The following CSMD1 variants were observed in gnomAD, a reference collection of about 807,000 sequenced individuals.
CSMD1 encodes the protein CUB and Sushi multiple domains 1.
A neutral mutation model predicts 417.5 loss-of-function variants in CSMD1; 213 were observed. That is an observed-to-expected ratio of 0.51 (90% CI 0.46 to 0.57). CSMD1 has a LOEUF of 0.57. Ranked by LOEUF, CSMD1 falls within the 20% of genes least tolerant of loss-of-function variation. The pLI is 0.00. For synonymous variants in CSMD1, 2,862 were observed against 1,736.8 expected (o/e 1.65, Z -16.11); for missense variants, 6,923 against 4,529.7 (o/e 1.53, Z -15.17).
At chr8:3,535,470 C>T (rs573031039) in intron 10 of CSMD1, among the ~76,000 whole-genome samples, 13 of 152,238 alleles carry the variant, frequency 8.5e-5, no homozygotes, top group Non-Finnish European at 1.5e-4. Flanking sequence ...TCCATGTTCT[C>T]ACTTATAAGT....
At chr8:4,928,523 T>G (rs1384503977) in intron 1 of CSMD1, among the ~76,000 whole-genome samples, 1 of 152,166 alleles carries the variant, frequency 6.6e-6, no homozygotes, top group Admixed American at 6.5e-5. Context: ...CTCCTGAACT[T>G]CAGCTTCTTC....
chr8:2,936,050 G>C lies in CSMD1; in HGVS notation c.*2535C>G, dbSNP rs917322799. On this transcript the variant is annotated 3_prime_UTR_variant, in exon 70 of 70. Coordinates refer to ENST00000635120, the MANE Select transcript of CSMD1 (RefSeq NM_033225.6). The stretch of plus-strand genomic sequence containing the variant: ...AAAATGAGATCCTCCAACACCTTGC[G>C]GAGACGCCGTTCAACACTGCACACA... The C allele has an allele frequency of 1.3e-5, 2 of 152,096 alleles. No homozygotes were observed. Among genetic ancestry groups the C allele is most frequent in the Non-Finnish European group, 2.9e-5 (2 of 68,026 alleles). The allele number at this position is 152,096 out of a possible 1,614,324, so 9.4% of individuals were successfully genotyped here.
chr8:4,416,326 C>G (rs995936817), intron 3 of CSMD1, among the ~76,000 whole-genome samples: 1 of 151,966 alleles, frequency 6.6e-6, no homozygotes, highest in African/African-American at 2.4e-5. Flanking sequence ...ATAAAATGAA[C>G]TAAAAAGTCA....
At chr8:3,384,978 A>G (rs1490257295) in intron 18 of CSMD1, among the ~76,000 whole-genome samples, 5 of 119,850 alleles carry the variant, frequency 4.2e-5, no homozygotes, top group African/African-American at 1.7e-4. Flanking sequence ...ATGCATATAT[A>G]GCATATATAA....
At chr8:4,318,989 T>G (rs1173887025) in intron 3 of CSMD1, among the ~76,000 whole-genome samples, 3 of 152,188 alleles carry the variant, frequency 2.0e-5, no homozygotes, top group Non-Finnish European at 4.4e-5. Flanking sequence ...ATCTTCATAT[T>G]AAACAGCTTG....
chr8:3,115,756 T>A (rs937820117), intron 42 of CSMD1, among the ~76,000 whole-genome samples: 4 of 152,234 alleles, frequency 2.6e-5, no homozygotes, highest in African/African-American at 9.6e-5. Flanking sequence ...CATATATACT[T>A]GTGAAGACTG....
At chr8:4,205,396 T>C (rs891710416) in intron 3 of CSMD1, among the ~76,000 whole-genome samples, 4 of 152,262 alleles carry the variant, frequency 2.6e-5, no homozygotes, top group East Asian at 1.9e-4. Flanking sequence ...AGCCTTGGCA[T>C]GTGCCTCATC....
chr8:3,614,349 G>A (rs555590893), intron 8 of CSMD1, among the ~76,000 whole-genome samples: 21 of 150,642 alleles, frequency 1.4e-4, no homozygotes, highest in African/African-American at 3.9e-4. Flanking sequence ...TCCCTACACC[G>A]CCCCCCGAGC....
chr8:4,354,341 G>T (rs1359141118), intron 3 of CSMD1, among the ~76,000 whole-genome samples: 2 of 152,038 alleles, frequency 1.3e-5, no homozygotes, highest in East Asian at 3.9e-4. Flanking sequence ...CTCTTTTGAG[G>T]TTGGGAAACC....
At chr8:4,932,475 C>A (rs934004659) in intron 1 of CSMD1, among the ~76,000 whole-genome samples, 2 of 152,232 alleles carry the variant, frequency 1.3e-5, no homozygotes, top group East Asian at 1.9e-4. Flanking sequence ...TAATATACTA[C>A]CTCATTAAGG....
chr8:2,962,466 C>T lies in CSMD1; in HGVS notation c.9628G>A (p.Asp3210Asn). Residue 3210 changes from aspartate to asparagine, a missense_variant and splice_region_variant, in exon 61 of 70, where the codon GAT becomes AAT. By Grantham distance (23) the Asp-to-Asn change is conservative. Transcript: ENST00000635120. ...TWSGIQPTCI[D>N]PAHNTCPDPG... ...CCCAGAGCTGTATGATAATTATTACCAATGCAGGTGGGTTGTATGCCGCTC... is the reference window on the plus strand; with the variant it reads ...CCCAGAGCTGTATGATAATTATTACTAATGCAGGTGGGTTGTATGCCGCTC... 5 of 1,611,906 alleles carry T rather than the reference C, an allele frequency of 3.1e-6. No individual in the cohort carries two copies. Among genetic ancestry groups the T allele is most frequent in the Non-Finnish European group, 4.2e-6 (5 of 1,178,442 alleles).
At chr8:4,430,570 A>C (rs890394883) in intron 2 of CSMD1, among the ~76,000 whole-genome samples, 1 of 152,118 alleles carries the variant, frequency 6.6e-6, no homozygotes, top group Non-Finnish European at 1.5e-5. Flanking sequence ...CTGGGGAAGA[A>C]AATAAATTTT....
chr8:3,708,811 T>C (rs539904024), intron 6 of CSMD1, among the ~76,000 whole-genome samples: 15 of 152,320 alleles, frequency 9.8e-5, no homozygotes, highest in African/African-American at 2.6e-4. Context: ...ATTCCCCAAA[T>C]TGTTCAGGCA....
chr8:3,190,109 G>T lies in CSMD1; in HGVS notation c.5201C>A (p.Pro1734His). 1 of 1,584,770 alleles carries T rather than the reference G, an allele frequency of 6.3e-7. No individual in the cohort carries two copies. The highest frequency in any genetic ancestry group is 2.3e-5 in the East Asian group (1 of 43,530). ...RGFHFVYQAV[P>H]RTSDTQCSSV... ...GCTGCATTGGGTGTCACTGGTACGA[G>T]GAACAGCTAGAAGCAAAGTACAGAA... is the stretch of plus-strand genomic sequence containing the variant. Residue 1734 changes from proline to histidine, a missense_variant, in exon 34 of 70, where the codon CCT becomes CAT. Pro to His is a moderately conservative substitution (Grantham distance 77). Transcript: ENST00000635120.
chr8:3,703,948 G>A (rs923860627), intron 7 of CSMD1, among the ~76,000 whole-genome samples: 14 of 152,186 alleles, frequency 9.2e-5, no homozygotes, highest in Admixed American at 3.3e-4. Flanking sequence ...GCACACACCT[G>A]TACTCCCTGC....
chr8:3,571,552 C>T (rs1337254145), intron 10 of CSMD1, among the ~76,000 whole-genome samples: 1 of 150,878 alleles, frequency 6.6e-6, no homozygotes, highest in East Asian at 2.0e-4. Flanking sequence ...CCCACGGCGT[C>T]ATCTCTCTCT....
chr8:3,657,342 C>T (rs919057622), intron 7 of CSMD1, among the ~76,000 whole-genome samples: 14 of 151,916 alleles, frequency 9.2e-5, no homozygotes, highest in African/African-American at 3.4e-4. Flanking sequence ...AAGAATATAC[C>T]TCACCAAGAA....
chr8:4,214,685 G>C (rs1044785569), intron 3 of CSMD1, among the ~76,000 whole-genome samples: 1 of 152,136 alleles, frequency 6.6e-6, no homozygotes, highest in African/African-American at 2.4e-5. Flanking sequence ...TGTGTTTGGT[G>C]TGTGTGTAGC....
intron 41 of CSMD1, among the ~76,000 whole-genome samples, chr8:3,135,059 G>A (rs952287151): frequency 2.0e-5 from 3 of 152,120 alleles, no homozygotes; most frequent in Non-Finnish European, 4.4e-5. Context: ...AAGTAGCCAG[G>A]ACCACGGGTG....
Sources: allele counts gnomAD v4.1 joint callset (sites outside exome capture counted in the v4.1 genomes callset), GRCh38; gene constraint gnomAD v4.1.1; transcripts MANE v1.5; gene names NCBI Gene and HGNC (gene_info 2026-07-23, HGNC 2026-07-21).